Variants in NFIL3 observed in about 807,000 individuals in gnomAD.
NFIL3 encodes nuclear factor interleukin-3-regulated protein.
NFIL3 carries 5 observed loss-of-function variants against 10.0 expected under a neutral mutation model. The ratio of observed to expected loss-of-function variants is 0.50; its 90% confidence interval spans 0.26 to 1.06. The LOEUF (loss-of-function observed/expected upper bound fraction) is 1.06. Ranked by LOEUF, NFIL3 falls within the 50% of genes least tolerant of loss-of-function variation. The pLI, the probability that NFIL3 is intolerant of heterozygous loss-of-function variation, is 0.13. For synonymous variants in NFIL3, 202 were observed against 206.5 expected (o/e 0.98, Z 0.19); for missense variants, 436 against 547.6 (o/e 0.80, Z 2.03).
rs765652947 is a variant in NFIL3 at position 91,410,308 on chromosome 9, T to A, written c.427A>T (p.Asn143Tyr). 1.2e-6 allele frequency: 2 copies of A among 1,614,232 alleles called. No homozygotes were observed. The highest frequency in any genetic ancestry group is 1.7e-6 in the Non-Finnish European group (2 of 1,180,044). Reference sequence around the variant, plus strand: ...TCTTGAAAGTACACAGCTGTAGAATTACTGAGTTTCTGAATCTCTTGAGCA... The same window carrying A: ...TCTTGAAAGTACACAGCTGTAGAATAACTGAGTTTCTGAATCTCTTGAGCA... Reference protein sequence around the residue: ...AYAQEIQKLSNSTAVYFQDYQ... With the variant: ...AYAQEIQKLSYSTAVYFQDYQ... Residue 143 changes from asparagine (N) to tyrosine (Y), a missense_variant, in exon 2 of 2, where the codon AAT (asparagine) becomes TAT (tyrosine). By Grantham distance (143) the Asn-to-Tyr change is moderately radical. Around this residue, in one of 3 missense-constraint regions of NFIL3, gnomAD observed 338 missense variants for 399.9 expected, o/e 0.85. Transcript: ENST00000297689. This position sits in a 1 kb window ranked among gnomAD's most constrained non-coding sequence, Gnocchi z 5.7.
At chr9:91,478,841 T>C in the NFIL3 span, among the ~76,000 whole-genome samples, 2 of 152,206 alleles carry the variant, frequency 1.3e-5, no homozygotes, top group Non-Finnish European at 2.9e-5. Context: ...TGGACATCCT[T>C]TTTGTTGATG....
the NFIL3 span, among the ~76,000 whole-genome samples, chr9:91,431,662 G>A: frequency 3.9e-5 from 6 of 152,118 alleles, no homozygotes; most frequent in South Asian, 2.1e-4. Context: ...AGTGGAAGCC[G>A]ACGTGACTTT....
chr9:91,420,353 A>ACT (rs71362332), intron 1 of NFIL3, among the ~76,000 whole-genome samples: 7,235 of 30,518 alleles, frequency 0.24, 216 homozygotes, highest in South Asian at 0.26. Context: ...GAAGGTAAAT[A>ACT]CACACACACA....
chr9:91,415,609 C>T (rs1323117879), intron 1 of NFIL3, among the ~76,000 whole-genome samples: 1 of 151,566 alleles, frequency 6.6e-6, no homozygotes, highest in African/African-American at 2.4e-5. Context: ...ACTATGCTAA[C>T]TTAACTACTT....
At chr9:91,431,577 T>A in the NFIL3 span, among the ~76,000 whole-genome samples, 6 of 152,014 alleles carry the variant, frequency 3.9e-5, no homozygotes. Flanking sequence ...TTACAAAGGG[T>A]GTGTATTCAT....
At chr9:91,464,614 C>G in the NFIL3 span, among the ~76,000 whole-genome samples, 6 of 152,084 alleles carry the variant, frequency 3.9e-5, no homozygotes, top group Non-Finnish European at 8.8e-5. Context: ...TGATGCAGCT[C>G]CACTCTTTAT....
At chr9:91,438,583 A>G in the NFIL3 span, among the ~76,000 whole-genome samples, 1 of 152,188 alleles carries the variant, frequency 6.6e-6, no homozygotes, top group African/African-American at 2.4e-5. Flanking sequence ...AATCATTGTC[A>G]AGGCTAATGT....
chr9:91,477,227 G>C, the NFIL3 span, among the ~76,000 whole-genome samples: 5 of 152,170 alleles, frequency 3.3e-5, no homozygotes, highest in Non-Finnish European at 7.3e-5. Flanking sequence ...TCACAGTTCA[G>C]TTCCTGGGGT....
At chr9:91,428,447 G>A (rs1021536835), upstream of NFIL3, among the ~76,000 whole-genome samples, 4 of 152,122 alleles carry the variant, frequency 2.6e-5, no homozygotes. Context: ...CCCTAACTTT[G>A]CCATGTGGCT....
chr9:91,412,111 A>C (rs1005870096), intron 1 of NFIL3, among the ~76,000 whole-genome samples: 13 of 150,376 alleles, frequency 8.6e-5, no homozygotes, highest in African/African-American at 2.9e-4. Flanking sequence ...AAAAAAAAAA[A>C]AAAAAAAAAA....
At chr9:91,464,328 G>T in the NFIL3 span, among the ~76,000 whole-genome samples, 20 of 151,602 alleles carry the variant, frequency 1.3e-4, no homozygotes, top group African/African-American at 4.4e-4. Flanking sequence ...TTTTTTTAGT[G>T]GTTGTCCTAG....
chr9:91,428,949 CTG>C, the NFIL3 span, among the ~76,000 whole-genome samples: 1 of 152,172 alleles, frequency 6.6e-6, no homozygotes, highest in African/African-American at 2.4e-5. Context: ...ATGGTCAAGA[CTG>C]TGGGAGCAGC....
the NFIL3 span, among the ~76,000 whole-genome samples, chr9:91,458,025 G>A: frequency 2.6e-5 from 4 of 151,794 alleles, no homozygotes; most frequent in South Asian, 8.3e-4. Flanking sequence ...ACTTTGCCAT[G>A]TTATATTGTT....
chr9:91,453,834 A>C, the NFIL3 span, among the ~76,000 whole-genome samples: 1 of 152,120 alleles, frequency 6.6e-6, no homozygotes, highest in African/African-American at 2.4e-5. Context: ...TTTTTAGCTT[A>C]TAGTATCTCA....
At chr9:91,412,119 A>G (rs1833563926) in intron 1 of NFIL3, among the ~76,000 whole-genome samples, 1 of 150,516 alleles carries the variant, frequency 6.6e-6, no homozygotes, top group African/African-American at 2.4e-5. Flanking sequence ...AAAAAAAAAA[A>G]AAAACCCCAC....
At position 91,422,467 on chromosome 9, in the gene NFIL3, G is replaced by GA. The variant is rs5899128; in HGVS notation, c.-173+1172dup. The stretch of plus-strand genomic sequence containing the variant: ...CTTTCCTGTTTAAAATATCCTTAAG[G>GA]AAAAAAAAAAAACTGTTATAGTGAC... On this transcript the variant is annotated intron_variant, in intron 1 of 1. Coordinates refer to ENST00000297689, the MANE Select transcript of NFIL3 (RefSeq NM_005384.3). Among the ~76,000 whole-genome samples the GA allele has an allele frequency of 6.5e-4, 98 of 149,724 alleles. No individual in the cohort carries two copies. In the Middle Eastern group the frequency reaches 0.01, roughly 16 times the overall value.
chr9:91,482,450 A>T, the NFIL3 span, among the ~76,000 whole-genome samples: 1 of 151,980 alleles, frequency 6.6e-6, no homozygotes, highest in South Asian at 2.1e-4. Flanking sequence ...GATGATGATG[A>T]TGATGATGAT....
At chr9:91,415,623 C>CTT (rs994764308) in intron 1 of NFIL3, among the ~76,000 whole-genome samples, 8 of 142,760 alleles carry the variant, frequency 5.6e-5, no homozygotes, top group East Asian at 2.0e-4. Flanking sequence ...ACTACTTCTT[C>CTT]TTTTTTTTTT....
the NFIL3 span, among the ~76,000 whole-genome samples, chr9:91,432,908 T>A: frequency 6.6e-6 from 1 of 152,224 alleles, no homozygotes; most frequent in Non-Finnish European, 1.5e-5. Flanking sequence ...CTGAAAAATA[T>A]TTATCTTTAC....
Sources: allele counts gnomAD v4.1 joint callset (sites outside exome capture counted in the v4.1 genomes callset), GRCh38; gene constraint gnomAD v4.1.1; regional missense constraint gnomAD v4.1.1; non-coding constraint Gnocchi (gnomAD v3.1); transcripts MANE v1.5; gene names NCBI Gene and HGNC (gene_info 2026-07-23, HGNC 2026-07-21).